Variants in RIT2 observed in about 807,000 individuals in gnomAD.
The protein encoded by RIT2 is GTP-binding protein Rit2.
RIT2 carries 24 observed loss-of-function variants against 23.7 expected under a neutral mutation model. The ratio of observed to expected loss-of-function variants is 1.01; its 90% CI spans 0.73 to 1.43. RIT2 has a LOEUF of 1.43. Among genes scored for constraint, RIT2 ranks in the 40% most tolerant of loss-of-function variants. The pLI is 0.00. For synonymous variants in RIT2, 107 were observed against 91.1 expected (o/e 1.17, Z -0.99); for missense variants, 236 against 266.9 (o/e 0.88, Z 0.81).
chr18:42,760,214 G>A (rs980483189), intron 4 of RIT2, among the ~76,000 whole-genome samples: 1 of 152,204 alleles, frequency 6.6e-6, no homozygotes, highest in African/African-American at 2.4e-5. Flanking sequence ...ACTGTTGCAA[G>A]AAACCCCTCT....
chr18:42,876,030 G>A (rs1907735172), intron 4 of RIT2, among the ~76,000 whole-genome samples: 1 of 151,770 alleles, frequency 6.6e-6, no homozygotes. Context: ...TTTATGGAAG[G>A]GTAGGATTTG....
At chr18:43,114,449 A>T (rs1045616908) in intron 1 of RIT2, among the ~76,000 whole-genome samples, 5 of 151,700 alleles carry the variant, frequency 3.3e-5, no homozygotes, top group African/African-American at 9.7e-5. Flanking sequence ...TCGTCTTTTA[A>T]TTTTTTTGTC....
At chr18:42,749,657 A>G (rs1378196803) in intron 4 of RIT2, among the ~76,000 whole-genome samples, 1 of 151,774 alleles carries the variant, frequency 6.6e-6, no homozygotes, top group Non-Finnish European at 1.5e-5. Context: ...TACTACAAAC[A>G]TAAAAAAGAT....
At chr18:42,794,776 C>A (rs567844364) in intron 4 of RIT2, among the ~76,000 whole-genome samples, 1 of 152,232 alleles carries the variant, frequency 6.6e-6, no homozygotes, top group South Asian at 2.1e-4. Context: ...TGATTTATAG[C>A]ATGTTATTTA....
chr18:42,868,650 TATAC>T (rs1907536137), intron 4 of RIT2, among the ~76,000 whole-genome samples: 1 of 152,216 alleles, frequency 6.6e-6, no homozygotes, highest in Admixed American at 6.5e-5. Flanking sequence ...GGAGGTGGAA[TATAC>T]ATGAGACTCA....
At chr18:42,910,500 A>G (rs1908740240) in intron 4 of RIT2, among the ~76,000 whole-genome samples, 1 of 152,072 alleles carries the variant, frequency 6.6e-6, no homozygotes, top group Non-Finnish European at 1.5e-5. Context: ...CAAATGTTGC[A>G]TTTTGGCCCA....
Position 43,115,630 on chromosome 18 carries a change from G to C in RIT2, c.-111C>G. The C allele has an allele frequency of 7.0e-7, 1 of 1,426,372 alleles. No individual in the cohort carries two copies. The highest frequency in any genetic ancestry group is 9.2e-7 in the Non-Finnish European group (1 of 1,088,704). 88.4% of individuals were successfully genotyped at this position (1,426,372 alleles called of 1,614,324 possible). Reference sequence around the variant, plus strand: ...TGTCAAAGCAAAGGTTTTAGTACGAGGTAAGAACCATCAGCGTCGGGCTGG... The same window carrying C: ...TGTCAAAGCAAAGGTTTTAGTACGACGTAAGAACCATCAGCGTCGGGCTGG... On this transcript the variant is annotated 5_prime_UTR_variant, in exon 1 of 5. Transcript: ENST00000326695.
chr18:42,987,451 T>G (rs1910737570), intron 2 of RIT2, among the ~76,000 whole-genome samples: 1 of 152,152 alleles, frequency 6.6e-6, no homozygotes, highest in Admixed American at 6.5e-5. Context: ...TACAGCTGTA[T>G]GAGGGACAAA....
At chr18:42,863,497 AC>A (rs1011523318) in intron 4 of RIT2, among the ~76,000 whole-genome samples, 6 of 152,030 alleles carry the variant, frequency 3.9e-5, no homozygotes, top group Admixed American at 2.0e-4. Flanking sequence ...CTCCCACTAC[AC>A]CTTTCCTGGT....
At chr18:43,077,677 C>T (rs1280243717) in intron 1 of RIT2, among the ~76,000 whole-genome samples, 4 of 152,144 alleles carry the variant, frequency 2.6e-5, no homozygotes, top group East Asian at 3.9e-4. Context: ...ATGTAGCAAG[C>T]GCTTTTTATA....
rs1430872321 is a variant in RIT2 at position 42,760,571 on chromosome 18, G to GA, written c.427-16852dup. The stretch of plus-strand genomic sequence containing the variant: ...CAGTAGATCTCACTGAGATACACTG[G>GA]AAAAAAGCATCCTGTTTAAGAGGAT... On this transcript the variant is annotated intron_variant, in intron 4 of 4. Coordinates refer to ENST00000326695, the MANE Select transcript of RIT2 (RefSeq NM_002930.4). Among the ~76,000 whole-genome samples, 4 of 152,192 alleles carry GA rather than the reference G, an allele frequency of 2.6e-5. No individual in the cohort carries two copies. In the East Asian group the frequency reaches 7.7e-4, roughly 29 times the overall value.
intron 4 of RIT2, among the ~76,000 whole-genome samples, chr18:42,787,035 C>T (rs1015306475): frequency 5.3e-5 from 8 of 152,072 alleles, no homozygotes; most frequent in African/African-American, 1.9e-4. Context: ...CAGCATGTTT[C>T]CAGGAGGGAT....
chr18:43,084,290 G>A (rs1344923223), intron 1 of RIT2, among the ~76,000 whole-genome samples: 1 of 152,136 alleles, frequency 6.6e-6, no homozygotes, highest in Non-Finnish European at 1.5e-5. Context: ...GTCAGTGGGA[G>A]TGTAAATTAG....
intron 2 of RIT2, among the ~76,000 whole-genome samples, chr18:42,999,391 T>C (rs1911055904): frequency 6.6e-6 from 1 of 152,056 alleles, no homozygotes. Flanking sequence ...TAAACTGCAA[T>C]GTGAAAGAAA....
At chr18:43,018,564 T>C (rs995862943) in intron 2 of RIT2, among the ~76,000 whole-genome samples, 2 of 151,934 alleles carry the variant, frequency 1.3e-5, no homozygotes, top group East Asian at 1.9e-4. Flanking sequence ...CCCCATCAGA[T>C]TGACAGTGGA....
chr18:42,766,336 T>C (rs688369), intron 4 of RIT2, among the ~76,000 whole-genome samples: 148,499 of 152,272 alleles, frequency 0.98, 72,530 homozygotes, highest in Middle Eastern at 1. Flanking sequence ...AGATGAGGAA[T>C]TTGTTGGGAA....
Position 42,964,122 on chromosome 18 carries a change from C to T in RIT2, c.234+9952G>A, listed in dbSNP as rs145067607. Among the ~76,000 whole-genome samples the T allele has an allele frequency of 8.1e-3, 1,228 of 150,684 alleles. 28 individuals carry two copies. The highest frequency in any genetic ancestry group is 0.028 in the African/African-American group (1,158 of 40,996). On this transcript the variant is annotated intron_variant, in intron 3 of 4. Coordinates refer to ENST00000326695, the MANE Select transcript of RIT2 (RefSeq NM_002930.4). Reference sequence around the variant, plus strand: ...AGGATAATAGCTTAAACCTGGGAGGCGGAGGTTGCAGCGAGCCGAGATTGT... The same window carrying T: ...AGGATAATAGCTTAAACCTGGGAGGTGGAGGTTGCAGCGAGCCGAGATTGT...
intron 4 of RIT2, among the ~76,000 whole-genome samples, chr18:42,875,559 G>A (rs1907724603): frequency 6.6e-6 from 1 of 151,900 alleles, no homozygotes; most frequent in African/African-American, 2.4e-5. Context: ...TGCCAGGTCT[G>A]CCCTCCTTAT....
intron 4 of RIT2, among the ~76,000 whole-genome samples, chr18:42,913,708 A>C (rs1488879614): frequency 6.6e-6 from 1 of 151,942 alleles, no homozygotes; most frequent in Non-Finnish European, 1.5e-5. Context: ...TAGGGACTGC[A>C]GGGAGGCGCT....
Sources: gnomAD v4.1 joint callset for allele counts (sites outside exome capture counted in the v4.1 genomes callset) on GRCh38, gnomAD v4.1.1 for gene constraint, MANE v1.5 for transcripts, NCBI Gene and HGNC (gene_info 2026-07-23, HGNC 2026-07-21) for gene names.